The following EIPR1 variants were observed in gnomAD, a reference collection of about 807,000 sequenced individuals.
EIPR1 encodes the protein EARP and GARP complex-interacting protein 1.
EIPR1 carries 25 observed loss-of-function variants against 48.1 expected under a neutral mutation model. That is an observed-to-expected ratio of 0.52 (90% CI 0.38 to 0.73). The LOEUF (loss-of-function observed/expected upper bound fraction) is 0.73. Among genes scored for constraint, EIPR1 ranks in the 30% least tolerant of loss-of-function variants. The pLI is 0.00. For synonymous variants in EIPR1, 204 were observed against 201.9 expected (o/e 1.01, Z -0.09); for missense variants, 415 against 506.2 (o/e 0.82, Z 1.73).
chr2:3,240,453 A>G (rs1306607364), intron 4 of EIPR1, among the ~76,000 whole-genome samples: 3 of 142,192 alleles, frequency 2.1e-5, no homozygotes, highest in Non-Finnish European at 4.7e-5. Context: ...AAAGCAAAGC[A>G]GGAGATCCTT....
chr2:3,333,636 G>C (rs566850153), intron 3 of EIPR1, among the ~76,000 whole-genome samples: 30 of 151,730 alleles, frequency 2.0e-4, no homozygotes, highest in Non-Finnish European at 2.6e-4. Context: ...AGCTAGTTGA[G>C]AGACTGAGAT....
intron 3 of EIPR1, among the ~76,000 whole-genome samples, chr2:3,337,238 G>A (rs1670095485): frequency 6.6e-6 from 1 of 152,156 alleles, no homozygotes; most frequent in Non-Finnish European, 1.5e-5. Flanking sequence ...TATGAGCCAT[G>A]CAATCCCTAC....
intron 1 of EIPR1, among the ~76,000 whole-genome samples, chr2:3,376,736 A>G (rs1375250616): frequency 2.6e-5 from 4 of 151,876 alleles, no homozygotes; most frequent in Non-Finnish European, 4.4e-5. Context: ...TTTAACACAT[A>G]CTGCTGCACA....
chr2:3,271,009 ATT>A (rs1667686877), intron 3 of EIPR1, among the ~76,000 whole-genome samples: 1 of 152,222 alleles, frequency 6.6e-6, no homozygotes, highest in African/African-American at 2.4e-5. Flanking sequence ...ATCCTATGTT[ATT>A]ATTTCAACAG....
chr2:3,292,966 T>G (rs1054256860), intron 3 of EIPR1, among the ~76,000 whole-genome samples: 4 of 152,056 alleles, frequency 2.6e-5, no homozygotes, highest in Non-Finnish European at 5.9e-5. Context: ...TTTTCCACAT[T>G]AAACGAAATA....
intron 5 of EIPR1, chr2:3,208,535 A>C (rs1434292212): frequency 6.5e-7 from 1 of 1,547,910 alleles, no homozygotes; most frequent in East Asian, 2.4e-5. Context: ...AGGACTACTT[A>C]AAAATAGTGA....
intron 1 of EIPR1, among the ~76,000 whole-genome samples, chr2:3,377,128 G>A (rs13425731): frequency 0.22 from 33,785 of 152,146 alleles, 4,603 homozygotes; most frequent in East Asian, 0.41. Flanking sequence ...ACAGTCTGTG[G>A]TTTACTGAAT....
At chr2:3,301,333 C>G (rs1489104906) in intron 3 of EIPR1, 1 of 152,222 alleles carries the variant, frequency 6.6e-6, no homozygotes, top group Non-Finnish European at 1.5e-5. Flanking sequence ...CCGGGGACTC[C>G]AAGGAGAACT....
chr2:3,283,538 AC>A (rs11364682), intron 3 of EIPR1, among the ~76,000 whole-genome samples: 52,514 of 152,070 alleles, frequency 0.35, 9,253 homozygotes, highest in African/African-American at 0.38. Context: ...CCACGTTCAC[AC>A]CCCGGCACAC....
At chr2:3,208,665 C>T (rs1009533967) in intron 5 of EIPR1, 13 of 1,550,602 alleles carry the variant, frequency 8.4e-6, no homozygotes, top group Non-Finnish European at 1.1e-5. Context: ...TGACTTCTTG[C>T]AGTCATAACT....
intron 3 of EIPR1, among the ~76,000 whole-genome samples, chr2:3,333,210 T>C (rs1031386494): frequency 7.9e-5 from 12 of 152,248 alleles, no homozygotes; most frequent in Non-Finnish European, 1.3e-4. Context: ...GTGATGTTCA[T>C]TCTAGCATGT....
At chr2:3,213,807 G>A (rs1665534318) in intron 5 of EIPR1, among the ~76,000 whole-genome samples, 3 of 152,058 alleles carry the variant, frequency 2.0e-5, no homozygotes, top group South Asian at 4.2e-4. Flanking sequence ...TGTGAATCAA[G>A]AATTACATTC....
Position 3,223,517 on chromosome 2 carries a change from C to T in EIPR1, c.417-9269G>A, listed in dbSNP as rs150148231. 3.6e-4 allele frequency among the ~76,000 whole-genome samples: 55 copies of T among 152,240 alleles called. No homozygotes were observed. In the East Asian group the frequency reaches 7.9e-3, roughly 22 times the overall value. ...TCTGAGTATGTGAGGATGTTTTGCG[C>T]GTTCTTAAATGCATAAAAAATAAAC... On this transcript the variant is annotated intron_variant, in intron 4 of 8. Coordinates refer to ENST00000382125, the MANE Select transcript of EIPR1 (RefSeq NM_003310.5).
chr2:3,244,398 C>T (rs1483818235), intron 4 of EIPR1, among the ~76,000 whole-genome samples: 10 of 152,274 alleles, frequency 6.6e-5, no homozygotes, highest in Admixed American at 5.2e-4. Flanking sequence ...ATTTAAACTT[C>T]AAGTTTAAAT....
At chr2:3,329,732 C>T (rs750575051) in intron 3 of EIPR1, among the ~76,000 whole-genome samples, 1 of 145,650 alleles carries the variant, frequency 6.9e-6, no homozygotes, top group Non-Finnish European at 1.5e-5. Flanking sequence ...TCAGGCTCTA[C>T]TCGCCATGCT....
chr2:3,304,966 A>G (rs1411542783), intron 3 of EIPR1, among the ~76,000 whole-genome samples: 37 of 74,586 alleles, frequency 5.0e-4, no homozygotes, highest in Middle Eastern at 0.01. Context: ...GTCCAGTTCA[A>G]CTCTCCACTC....
In EIPR1 at chr2:3,239,632, A is replaced by ACC. The variant is rs548209278; in HGVS notation, c.416+17665_416+17666dup. On this transcript the variant is annotated intron_variant, in intron 4 of 8. Transcript: ENST00000382125. ...GGCATCCCTTCCTGGCTGCTCATTA[A>ACC]CCCCCTTTCCACATGTGGCCCTGCC... Among the ~76,000 whole-genome samples the ACC allele has an allele frequency of 3.4e-4, 51 of 150,098 alleles. No individual in the cohort carries two copies. The South Asian group carries it at 1.0e-2, about 29-fold the overall frequency.
intron 1 of EIPR1, among the ~76,000 whole-genome samples, chr2:3,365,693 C>T (rs199988922): frequency 2.7e-5 from 4 of 149,736 alleles, no homozygotes; most frequent in East Asian, 2.0e-4. Flanking sequence ...TGACTCTTAA[C>T]GAGCCTGCTG....
At chr2:3,252,058 C>T (rs1447734795) in intron 4 of EIPR1, among the ~76,000 whole-genome samples, 1 of 152,156 alleles carries the variant, frequency 6.6e-6, no homozygotes, top group East Asian at 1.9e-4. Context: ...GCATGCAAAG[C>T]CCTAGCAAAG....
Sources: allele counts gnomAD v4.1 joint callset (sites outside exome capture counted in the v4.1 genomes callset), GRCh38; gene constraint gnomAD v4.1.1; transcripts MANE v1.5; gene names NCBI Gene and HGNC (gene_info 2026-07-23, HGNC 2026-07-21).